The following MRAP2 variants were observed in gnomAD, a reference collection of about 807,000 sequenced individuals.
The protein encoded by MRAP2 is melanocortin 2 receptor accessory protein 2.
A neutral mutation model predicts 17.4 loss-of-function variants in MRAP2; 20 were observed. The observed-to-expected ratio is 1.15, with a 90% CI of 0.81 to 1.67. The LOEUF (loss-of-function observed/expected upper bound fraction) is 1.67, where lower values mean the gene tolerates loss of function less well. Ranked by LOEUF, MRAP2 falls within the 40% of genes most tolerant of loss-of-function variation. The pLI, the probability that MRAP2 is intolerant of heterozygous loss-of-function variation, is 0.00. For missense variants in MRAP2, 238 were observed against 240.0 expected, an observed-to-expected ratio of 0.99 and a Z score of 0.05; for synonymous variants, 96 against 88.4, an observed-to-expected ratio of 1.09 and a Z score of -0.48.
rs2099501538 is a variant in MRAP2, at chr6:84,090,312, A to C, written c.*831A>C. 6.6e-6 allele frequency: 1 copy of C among 152,178 alleles called. No individual in the cohort carries two copies. Among genetic ancestry groups the C allele is most frequent in the South Asian group, 2.1e-4 (1 of 4,832 alleles). 9.4% of individuals were successfully genotyped at this position (152,178 alleles called of 1,614,324 possible). Reference sequence around the variant, plus strand: ...GGATCTGGTTGTCTACCAGAATGTCAGGAGACTCATCTTACACAGTCATGG... The same window carrying C: ...GGATCTGGTTGTCTACCAGAATGTCCGGAGACTCATCTTACACAGTCATGG... On this transcript the variant is annotated 3_prime_UTR_variant, in exon 4 of 4. Transcript: ENST00000257776.
rs2099490473 is a variant in MRAP2 at position 84,051,766 on chromosome 6, T to TGTTCCCA, written c.-7-3544_-7-3543insTCCCAGT. Reference sequence around the variant, plus strand: ...AGGAAAAGAGAGTGCCCAGGAGTGGTGTGGGAACCTGGGTTGGAGCAGGAA... The same window carrying TGTTCCCA: ...AGGAAAAGAGAGTGCCCAGGAGTGGTGTTCCCAGTGGGAACCTGGGTTGGAGCAGGAA... On this transcript the variant is annotated intron_variant, in intron 1 of 3. Transcript: ENST00000257776. Among the ~76,000 whole-genome samples, 5 of 152,080 alleles carry TGTTCCCA rather than the reference T, an allele frequency of 3.3e-5. No individual in the cohort carries two copies. In the South Asian group the frequency reaches 1.0e-3, roughly 32 times the overall value.
chr6:84,128,172 A>G, the MRAP2 span, among the ~76,000 whole-genome samples: 6,460 of 152,308 alleles, frequency 0.042, 198 homozygotes, highest in Admixed American at 0.086. Context: ...TCACCTTTCA[A>G]TGATTAAACA....
chr6:84,041,901 T>C (rs777021097), intron 1 of MRAP2, among the ~76,000 whole-genome samples: 3 of 152,202 alleles, frequency 2.0e-5, no homozygotes, highest in Admixed American at 2.0e-4. Context: ...GAGTTAAGAC[T>C]TTGGGGAACT....
chr6:84,083,533 G>T (rs1414249941), intron 3 of MRAP2, among the ~76,000 whole-genome samples: 1 of 151,950 alleles, frequency 6.6e-6, no homozygotes, highest in Non-Finnish European at 1.5e-5. Flanking sequence ...CTGTTTTTAG[G>T]GTGAGTTTAT....
the MRAP2 span, among the ~76,000 whole-genome samples, chr6:84,135,204 T>C: frequency 4.6e-5 from 7 of 152,222 alleles, no homozygotes; most frequent in African/African-American, 1.4e-4. Context: ...AACACATGCA[T>C]AGTGAATCCA....
chr6:84,089,712 A>G lies in MRAP2; in HGVS notation c.*231A>G. 2.0e-6 allele frequency: 1 copy of G among 497,196 alleles called. No individual in the cohort carries two copies. Among genetic ancestry groups the G allele is most frequent in the South Asian group, 4.3e-5 (1 of 23,508 alleles). 30.8% of individuals were successfully genotyped at this position (497,196 alleles called of 1,614,324 possible). A position where few individuals can be genotyped will look rare whatever the true frequency, so the allele number is the denominator to read the frequency against. On this transcript the variant is annotated 3_prime_UTR_variant, in exon 4 of 4. Coordinates refer to ENST00000257776, the MANE Select transcript of MRAP2 (RefSeq NM_138409.4). ...TACATTTGGAGCTTTGGGAGTATTA[A>G]AGTATTTACACCAAGCTTGTCCAAC...
chr6:84,123,398 A>C, the MRAP2 span, among the ~76,000 whole-genome samples: 1 of 152,242 alleles, frequency 6.6e-6, no homozygotes, highest in East Asian at 1.9e-4. Context: ...AATGGAACGG[A>C]ATAGAGAACT....
intron 2 of MRAP2, 87 bp from the exon 3 acceptor site, chr6:84,062,806 C>G: frequency 6.3e-7 from 1 of 1,583,782 alleles, no homozygotes; most frequent in South Asian, 1.1e-5. Context: ...TTTCATGTAC[C>G]AAAGCCTCTC....
chr6:84,123,781 CAGAT>C, the MRAP2 span, among the ~76,000 whole-genome samples: 2 of 151,958 alleles, frequency 1.3e-5, no homozygotes, highest in Admixed American at 6.6e-5. Flanking sequence ...ACTAAATAAA[CAGAT>C]AACCTACATA....
rs150877305 is a variant in MRAP2, at chr6:84,080,122, C to G, written c.228-8969C>G. 4.0e-3 allele frequency among the ~76,000 whole-genome samples: 616 copies of G among 152,170 alleles called. 8 individuals carry two copies. Among genetic ancestry groups the G allele is most frequent in the African/African-American group, 0.014 (591 of 41,514 alleles). ...GGTCTTTGCTCACCACAAGCTCCGC[C>G]TCCCGGGTTCACGCCATTCTTCTGC... On this transcript the variant is annotated intron_variant, in intron 3 of 3. Coordinates refer to ENST00000257776, the MANE Select transcript of MRAP2 (RefSeq NM_138409.4).
the MRAP2 span, among the ~76,000 whole-genome samples, chr6:84,125,920 A>T: frequency 1.3e-5 from 2 of 152,198 alleles, no homozygotes; most frequent in Admixed American, 6.5e-5. Context: ...CAAGTGCCTA[A>T]AAACACATCA....
intron 2 of MRAP2, among the ~76,000 whole-genome samples, chr6:84,061,110 A>T (rs2129166960): frequency 6.6e-6 from 1 of 152,302 alleles, no homozygotes; most frequent in Non-Finnish European, 1.5e-5. Flanking sequence ...TGCTGAATAC[A>T]CATTGTTAAC....
intron 1 of MRAP2, among the ~76,000 whole-genome samples, chr6:84,053,367 A>G (rs1289474761): frequency 6.6e-6 from 1 of 152,160 alleles, no homozygotes; most frequent in East Asian, 1.9e-4. Flanking sequence ...TTATCATTTT[A>G]TTTTTGAGTT....
chr6:84,117,834 C>T, the MRAP2 span, among the ~76,000 whole-genome samples: 7 of 152,152 alleles, frequency 4.6e-5, no homozygotes, highest in Non-Finnish European at 1.0e-4. Flanking sequence ...GCAAAGATGG[C>T]GGCCTGCCCC....
At chr6:84,082,794 A>G (rs896449198) in intron 3 of MRAP2, among the ~76,000 whole-genome samples, 3 of 152,142 alleles carry the variant, frequency 2.0e-5, no homozygotes, top group Non-Finnish European at 4.4e-5. Flanking sequence ...TTTAATTCAT[A>G]GTACCCACTC....
At chr6:84,134,737 C>G in the MRAP2 span, among the ~76,000 whole-genome samples, 573 of 152,268 alleles carry the variant, frequency 3.8e-3, 1 homozygote, top group African/African-American at 0.013. Flanking sequence ...GTAGAAATCA[C>G]TTTCCTTCTG....
the MRAP2 span, among the ~76,000 whole-genome samples, chr6:84,103,867 T>C: frequency 5.9e-5 from 9 of 152,348 alleles, no homozygotes; most frequent in East Asian, 5.8e-4. Flanking sequence ...TGCTGTGTTC[T>C]TGACTTCATT....
At chr6:84,033,941 G>A in intron 1 of MRAP2, 58 bp downstream of exon 1, 2 of 983,650 alleles carry the variant, frequency 2.0e-6, no homozygotes, top group Non-Finnish European at 2.4e-6. Context: ...GCTGGGTGCG[G>A]GGCGCGTGCA....
the MRAP2 span, among the ~76,000 whole-genome samples, chr6:84,132,988 G>T: frequency 1.3e-5 from 2 of 152,074 alleles, no homozygotes; most frequent in African/African-American, 4.8e-5. Flanking sequence ...CATCTTTGTG[G>T]TTTTATCTAC....
Sources: gnomAD v4.1 joint callset for allele counts (sites outside exome capture counted in the v4.1 genomes callset) on GRCh38, gnomAD v4.1.1 for gene constraint, MANE v1.5 for transcripts, NCBI Gene and HGNC (gene_info 2026-07-23, HGNC 2026-07-21) for gene names.